CCNB3: variants seen among roughly 807,000 people sequenced by gnomAD.
CCNB3 encodes the protein cyclin B3, also known as G2/mitotic-specific cyclin-B3.
Under a neutral mutation model 68.0 loss-of-function variants are expected in CCNB3, and 12 were observed. That is an observed-to-expected ratio of 0.18 (90% CI 0.11 to 0.29). CCNB3 has a LOEUF of 0.29. Among genes scored for constraint, CCNB3 ranks in the 10% least tolerant of loss-of-function variants. CCNB3 has a pLI of 1.00. For missense variants in CCNB3, 904 were observed against 993.1 expected (o/e 0.91, Z 1.21); for synonymous variants, 354 against 388.9 (o/e 0.91, Z 1.06).
intron 1 of CCNB3, among the ~76,000 whole-genome samples, chrX:50,217,381 T>A (rs1935592884): frequency 9.7e-6 from 1 of 103,061 alleles, no homozygotes; most frequent in African/African-American, 3.6e-5. Flanking sequence ...CGCGCCATTC[T>A]CCTGCCTTAG....
chrX:50,281,969 G>C (rs939410422), intron 1 of CCNB3, among the ~76,000 whole-genome samples: 8 of 111,196 alleles, frequency 7.2e-5, no homozygotes, highest in Non-Finnish European at 1.5e-4. Context: ...ACCACCCTCT[G>C]CTACGCTTAG....
intron 1 of CCNB3, among the ~76,000 whole-genome samples, chrX:50,227,333 T>C (rs1935888335): frequency 2.4e-5 from 2 of 82,754 alleles, no homozygotes; most frequent in East Asian, 3.4e-4. Context: ...TATATAAATA[T>C]ACACACAGAA....
intron 5 of CCNB3, among the ~76,000 whole-genome samples, chrX:50,300,953 G>A (rs1292075723): frequency 9.0e-6 from 1 of 111,650 alleles, no homozygotes; most frequent in African/African-American, 3.3e-5. Flanking sequence ...CATTCGTCAC[G>A]TAGTTCTCGT....
chrX:50,220,513 C>T (rs1935651243), intron 1 of CCNB3, among the ~76,000 whole-genome samples: 1 of 111,728 alleles, frequency 9.0e-6, no homozygotes. Flanking sequence ...TTTTCTGCAT[C>T]TATTGAGATA....
chrX:50,279,676 ACATT>A (rs1286069774), intron 1 of CCNB3, among the ~76,000 whole-genome samples: 2 of 90,655 alleles, frequency 2.2e-5, no homozygotes, highest in African/African-American at 7.9e-5. Flanking sequence ...ATGAATATGT[ACATT>A]CATCTATGCA....
Position 50,343,592 on chromosome X carries a change from G to C in CCNB3, c.3654+1253G>C, listed in dbSNP as rs151329510. Reference sequence around the variant, plus strand: ...ATTGTGGCACATACCTGTGGTCCCAGCTACATAGGATGCTGAGGCAGGAGG... The same window carrying C: ...ATTGTGGCACATACCTGTGGTCCCACCTACATAGGATGCTGAGGCAGGAGG... On this transcript the variant is annotated intron_variant, in intron 9 of 12. Transcript: ENST00000376042. Among the ~76,000 whole-genome samples the C allele has an allele frequency of 9.0e-5, 10 of 111,447 alleles. No homozygotes were observed. The East Asian group carries it at 2.0e-3, about 22-fold the overall frequency.
intron 8 of CCNB3, among the ~76,000 whole-genome samples, chrX:50,341,534 T>TA (rs375900011): frequency 0.025 from 2,162 of 86,166 alleles, 55 homozygotes; most frequent in African/African-American, 0.082. Context: ...AAATAGAGAC[T>TA]AAAAAAAAAA....
Position 50,314,167 on chromosome X carries a change from T to G in CCNB3, c.3516+219T>G, listed in dbSNP as rs187597373. On this transcript the variant is annotated intron_variant, in intron 8 of 12. Coordinates refer to ENST00000376042, the MANE Select transcript of CCNB3 (RefSeq NM_033031.3). ...CTAAGTGCTCTAAGAATGTTTCAAATAAGATACTGTGAGAACTAATTGAAA... is the reference window on the plus strand; with the variant it reads ...CTAAGTGCTCTAAGAATGTTTCAAAGAAGATACTGTGAGAACTAATTGAAA... Among the ~76,000 whole-genome samples, 66 of 112,536 alleles carry G rather than the reference T, an allele frequency of 5.9e-4. 1 individual carries two copies. Among genetic ancestry groups the G allele is most frequent in the African/African-American group, 2.0e-3 (63 of 31,098 alleles).
rs1557214102 is a variant in CCNB3 at position 50,309,192 on chromosome X, T to C, written c.1023T>C (p.His341=). The C allele has an allele frequency of 1.4e-5, 17 of 1,209,999 alleles. No individual in the cohort carries two copies. Among genetic ancestry groups the C allele is most frequent in the Non-Finnish European group, 1.8e-5 (16 of 894,304 alleles). The change falls in exon 6 of 13, where the codon CAT becomes CAC. Residue 341 remains histidine (H), a synonymous_variant. Transcript: ENST00000376042. ...SVLQEKHTTE[H]EMSILKKSLA... Reference sequence around the variant, plus strand: ...TGCAAGAGAAACACACCACTGAGCATGAGATGTCCATCTTGAAGAAATCAT... The same window carrying C: ...TGCAAGAGAAACACACCACTGAGCACGAGATGTCCATCTTGAAGAAATCAT...
chrX:50,226,199 A>C (rs1267826911), intron 1 of CCNB3, among the ~76,000 whole-genome samples: 1 of 66,903 alleles, frequency 1.5e-5, no homozygotes, highest in Non-Finnish European at 2.4e-5. Context: ...AAATATATAT[A>C]GAATATATAT....
chrX:50,226,203 T>A (rs1156620897), intron 1 of CCNB3, among the ~76,000 whole-genome samples: 23 of 65,207 alleles, frequency 3.5e-4, no homozygotes, highest in African/African-American at 1.7e-3. Context: ...ATATATAGAA[T>A]ATATATATTT....
chrX:50,302,397 A>G (rs1221530102), intron 5 of CCNB3, among the ~76,000 whole-genome samples: 1 of 112,202 alleles, frequency 8.9e-6, no homozygotes, highest in Non-Finnish European at 1.9e-5. Context: ...GCTGCCATTT[A>G]CTGAGAGCTC....
rs782307018 is a variant in CCNB3 at position 50,308,773 on chromosome X, A to T, written c.604A>T (p.Ser202Cys). 8.3e-7 allele frequency: 1 copy of T among 1,211,953 alleles called. No homozygotes were observed. The highest frequency in any genetic ancestry group is 3.0e-5 in the East Asian group (1 of 33,845). ...KLQPLQEESD[S>C]DDAFVIEPMT... ...ACAGCCCCTGCAGGAGGAGAGTGAC[A>T]GTGATGATGCGTTTGTTATAGAGCC... is the stretch of plus-strand genomic sequence containing the variant. The change falls in exon 6 of 13, where the codon AGT becomes TGT. Residue 202 changes from serine (S) to cysteine (C), a missense_variant. Physicochemically the swap from Ser to Cys is moderately radical, Grantham distance 112 (BLOSUM62 -1). Around this residue, in one of 2 missense-constraint regions of CCNB3, gnomAD observed 619 missense variants for 609.8 expected, o/e 1.02. Transcript: ENST00000376042.
At chrX:50,281,277 C>T (rs765836875) in intron 1 of CCNB3, among the ~76,000 whole-genome samples, 1 of 111,556 alleles carries the variant, frequency 9.0e-6, no homozygotes, top group African/African-American at 3.3e-5. Context: ...CACTTCATGA[C>T]GGCTGTAGTT....
chrX:50,298,776 T>A (rs782142194), intron 5 of CCNB3, among the ~76,000 whole-genome samples: 18 of 111,510 alleles, frequency 1.6e-4, no homozygotes, highest in African/African-American at 5.2e-4. Context: ...CTTTTTTTGG[T>A]TGGTAAGCTA....
intron 1 of CCNB3, among the ~76,000 whole-genome samples, chrX:50,284,215 C>G (rs1190814327): frequency 9.0e-6 from 1 of 111,286 alleles, no homozygotes; most frequent in Non-Finnish European, 1.9e-5. Context: ...CCTACTCCTT[C>G]ACCATCTTCG....
chrX:50,302,622 C>G (rs1936673500), intron 5 of CCNB3, among the ~76,000 whole-genome samples: 1 of 111,079 alleles, frequency 9.0e-6, no homozygotes, highest in Non-Finnish European at 1.9e-5. Flanking sequence ...CTCTCAATAC[C>G]CCCAACCTGC....
At chrX:50,300,564 A>G (rs1306588183) in intron 5 of CCNB3, among the ~76,000 whole-genome samples, 2 of 111,385 alleles carry the variant, frequency 1.8e-5, no homozygotes, top group Non-Finnish European at 3.8e-5. Context: ...GCTGCCCTTA[A>G]CATTTTTTCC....
At chrX:50,209,158 C>T (rs79692660) in intron 1 of CCNB3, among the ~76,000 whole-genome samples, 1 of 111,304 alleles carries the variant, frequency 9.0e-6, no homozygotes, top group African/African-American at 3.3e-5. Context: ...ATATATTTAA[C>T]GTGTACAGTT....
Sources: gnomAD v4.1 joint callset for allele counts (sites outside exome capture counted in the v4.1 genomes callset) on GRCh38, gnomAD v4.1.1 for gene constraint, gnomAD v4.1.1 regional missense constraint, MANE v1.5 for transcripts, NCBI Gene and HGNC (gene_info 2026-07-23, HGNC 2026-07-21) for gene names.